Variants in CCDC40 observed in about 807,000 individuals in gnomAD.
The protein encoded by CCDC40 is coiled-coil domain 40 molecular ruler complex subunit, also known as coiled-coil domain-containing protein 40.
In CCDC40, 104 loss-of-function variants were observed where a neutral mutation model predicts 124.5. The observed-to-expected ratio is 0.84, with a 90% CI of 0.71 to 0.98. The LOEUF is 0.98. CCDC40 is among the 50% of genes least tolerant of loss of function. CCDC40 has a pLI of 0.00. For missense variants in CCDC40, 1,463 were observed against 1,503.9 expected, an observed-to-expected ratio of 0.97 and a Z score of 0.45; for synonymous variants, 580 against 602.9, an observed-to-expected ratio of 0.96 and a Z score of 0.56.
intron 10 of CCDC40, chr17:80,065,971 C>A: frequency 1.6e-6 from 1 of 637,522 alleles, no homozygotes; most frequent in Non-Finnish European, 2.8e-6. Context: ...ATTGTTCTGC[C>A]TGAGGGCTGC....
At chr17:80,062,049 G>A (rs192115362) in intron 9 of CCDC40, among the ~76,000 whole-genome samples, 5 of 152,288 alleles carry the variant, frequency 3.3e-5, no homozygotes, top group African/African-American at 7.2e-5. Flanking sequence ...AGTCAGGGCT[G>A]CAGTGAGCTA....
chr17:80,048,180 A>T (rs2037479636), intron 4 of CCDC40, among the ~76,000 whole-genome samples: 1 of 152,152 alleles, frequency 6.6e-6, no homozygotes, highest in African/African-American at 2.4e-5. Flanking sequence ...GAATCGCTTG[A>T]ACCCCGGAGG....
Position 80,087,633 on chromosome 17 carries a change from C to G in CCDC40, c.2476C>G (p.Gln826Glu). ...ESKIEQEKKE[Q>E]KEIEHHMKDL... Reference sequence around the variant, plus strand: ...CAAGATTGAGCAGGAGAAGAAGGAGCAGAAGGAGATCGAGCACCACATGAA... The same window carrying G: ...CAAGATTGAGCAGGAGAAGAAGGAGGAGAAGGAGATCGAGCACCACATGAA... Residue 826 changes from glutamine to glutamate, a missense_variant, in exon 15 of 20, where the codon CAG (glutamine) becomes GAG (glutamate). Gln to Glu is a conservative substitution (Grantham distance 29). Coordinates refer to ENST00000397545, the MANE Select transcript of CCDC40 (RefSeq NM_017950.4). The surrounding 1 kb of genome is among the most constrained non-coding windows in gnomAD (Gnocchi z 4.5). 1 of 1,614,080 alleles carries G rather than the reference C, an allele frequency of 6.2e-7. No homozygotes were observed. Among genetic ancestry groups the G allele is most frequent in the South Asian group, 1.1e-5 (1 of 91,082 alleles).
In CCDC40 at chr17:80,090,297, A is replaced by G. The variant is rs374493149; in HGVS notation, c.2832+413A>G. ...TGCACGAACAACACGGGACGCGCGC[A>G]GGCACGTGCACGAACAACACGGGAC... is the stretch of plus-strand genomic sequence containing the variant. On this transcript the variant is annotated intron_variant, in intron 17 of 19. Transcript: ENST00000397545. The G allele has an allele frequency of 7.0e-3, 9,193 of 1,313,094 alleles. 900 individuals carry two copies. The highest frequency in any genetic ancestry group is 0.024 in the South Asian group (1,528 of 63,952). 81.3% of individuals were successfully genotyped at this position (1,313,094 alleles called of 1,614,324 possible).
chr17:80,077,251 G>A lies in CCDC40; in HGVS notation c.1563-4295G>A, dbSNP rs564731797. Among the ~76,000 whole-genome samples, 7 of 152,280 alleles carry A rather than the reference G, an allele frequency of 4.6e-5. No homozygotes were observed. In the East Asian group the frequency reaches 5.8e-4, roughly 13 times the overall value. On this transcript the variant is annotated intron_variant, in intron 10 of 19. Transcript: ENST00000397545. ...ACTTTATAACAAATGCTTGCCGGCC[G>A]TGGTGGCTCACACCTGTAATCCCAG... is the stretch of plus-strand genomic sequence containing the variant.
At chr17:80,061,175 ATC>A (rs10547356) in intron 9 of CCDC40, among the ~76,000 whole-genome samples, 7,123 of 152,216 alleles carry the variant, frequency 0.047, 531 homozygotes, top group African/African-American at 0.16. Context: ...GCAAAACCCC[ATC>A]TCTACTGAAA....
At chr17:80,074,880 A>G (rs907621076) in intron 10 of CCDC40, among the ~76,000 whole-genome samples, 2 of 152,116 alleles carry the variant, frequency 1.3e-5, no homozygotes, top group Non-Finnish European at 2.9e-5. Context: ...ACCATTCTAG[A>G]TAACGTTAAG....
intron 9 of CCDC40, among the ~76,000 whole-genome samples, chr17:80,060,688 C>T (rs965626284): frequency 2.0e-5 from 3 of 152,026 alleles, no homozygotes; most frequent in Admixed American, 2.0e-4. Context: ...AAGACCCTGT[C>T]TAAAATAAAA....
chr17:80,087,843 G>A lies in CCDC40; in HGVS notation c.2619+67G>A. The A allele has an allele frequency of 2.0e-6, 3 of 1,467,550 alleles. No individual in the cohort carries two copies. Among genetic ancestry groups the A allele is most frequent in the Non-Finnish European group, 1.9e-6 (2 of 1,047,710 alleles). The allele number at this position is 1,467,550 out of a possible 1,614,324, so 90.9% of individuals were successfully genotyped here. On this transcript the variant is annotated intron_variant, in intron 15 of 19. Coordinates refer to ENST00000397545, the MANE Select transcript of CCDC40 (RefSeq NM_017950.4). The surrounding 1 kb of genome is among the most constrained non-coding windows in gnomAD (Gnocchi z 4.5). ...AGGGCGGGGGTACGGTCCTTGCGGT[G>A]GGCGTTCTGCACCAGGATGTAATTT...
Position 80,066,300 on chromosome 17 carries a change from C to A in CCDC40, c.1562+694C>A, listed in dbSNP as rs2038045590. 1 of 610,852 alleles carries A rather than the reference C, an allele frequency of 1.6e-6. No homozygotes were observed. The highest frequency in any genetic ancestry group is 1.9e-5 in the South Asian group (1 of 53,310). 37.8% of individuals were successfully genotyped at this position (610,852 alleles called of 1,614,324 possible). The stretch of plus-strand genomic sequence containing the variant: ...AAAGGCTGGACCAAGGAATGAGGGT[C>A]TGGCTGGCCCCACAGCACCCGCAGC... On this transcript the variant is annotated intron_variant, in intron 10 of 19. Transcript: ENST00000397545. The surrounding 1 kb of genome is among the most constrained non-coding windows in gnomAD (Gnocchi z 4.4).
At chr17:80,042,645 TTTTC>T (rs1169173963) in intron 3 of CCDC40, among the ~76,000 whole-genome samples, 1 of 152,172 alleles carries the variant, frequency 6.6e-6, no homozygotes, top group Non-Finnish European at 1.5e-5. Context: ...TCCAGATGCC[TTTTC>T]TTTCTTTTTC....
In CCDC40 at chr17:80,039,286, G is replaced by A. The variant is rs184004698; in HGVS notation, c.94-526G>A. On this transcript the variant is annotated intron_variant, in intron 2 of 19. Transcript: ENST00000397545. ...GGAGGCTGAAGCAGGAGAATCGCTT[G>A]AACCCAGGAGGTGGAAGTTGCAGTG... Among the ~76,000 whole-genome samples, 659 of 152,080 alleles carry A rather than the reference G, an allele frequency of 4.3e-3. 5 individuals are homozygous for A. The highest frequency in any genetic ancestry group is 0.015 in the African/African-American group (623 of 41,496).
intron 3 of CCDC40, among the ~76,000 whole-genome samples, chr17:80,044,716 A>ATGTGT (rs1396709278): frequency 2.3e-5 from 3 of 131,740 alleles, no homozygotes; most frequent in African/African-American, 9.9e-5. Context: ...CAAAAAAAAA[A>ATGTGT]ATATATATAT....
intron 7 of CCDC40, among the ~76,000 whole-genome samples, chr17:80,057,649 G>T (rs1329829193): frequency 6.6e-6 from 1 of 151,910 alleles, no homozygotes; most frequent in Non-Finnish European, 1.5e-5. Flanking sequence ...GGCCAAGGTG[G>T]GTGGATCAGG....
chr17:80,067,157 A>C, intron 10 of CCDC40: 1 of 210,610 alleles, frequency 4.7e-6, no homozygotes, highest in Non-Finnish European at 9.5e-6. Flanking sequence ...TCCCCAAGGG[A>C]AGACGTCACC....
chr17:80,047,378 G>T lies in CCDC40; in HGVS notation c.652G>T (p.Glu218Ter). The T allele has an allele frequency of 6.2e-7, 1 of 1,613,328 alleles. No homozygotes were observed. Among genetic ancestry groups the T allele is most frequent in the Non-Finnish European group, 8.5e-7 (1 of 1,179,772 alleles). ...GAGCGACATCGAGTCCTCAGACCTG[G>T]AGGAGTTCGTCTCGCAGGAGCCAGG... ...HGSDIESSDL[E>*]EFVSQEPVIP... Residue 218 changes from glutamate (E) to a stop codon, truncating the protein, a stop_gained, in exon 4 of 20, where the codon GAG (glutamate) becomes TAG (stop). Coordinates refer to ENST00000397545, the MANE Select transcript of CCDC40 (RefSeq NM_017950.4). LOFTEE classifies it high-confidence loss of function.
At chr17:80,037,682 T>TAAAAAAAAA (rs1423212184) in intron 1 of CCDC40, among the ~76,000 whole-genome samples, 3 of 96,170 alleles carry the variant, frequency 3.1e-5, no homozygotes, top group Non-Finnish European at 5.9e-5. Context: ...CTTTAATTTT[T>TAAAAAAAAA]TAAAAAAGAT....
At position 80,087,046 on chromosome 17, in the gene CCDC40, T is replaced by C; in HGVS notation, c.2450-561T>C. The C allele has an allele frequency of 5.3e-6, 1 of 187,146 alleles. No individual in the cohort carries two copies. Among genetic ancestry groups the C allele is most frequent in the Non-Finnish European group, 1.1e-5 (1 of 87,818 alleles). 11.6% of individuals were successfully genotyped at this position (187,146 alleles called of 1,614,324 possible). A position where few individuals can be genotyped will look rare whatever the true frequency, so the allele number is the denominator to read the frequency against. On this transcript the variant is annotated intron_variant, in intron 14 of 19. Coordinates refer to ENST00000397545, the MANE Select transcript of CCDC40 (RefSeq NM_017950.4). This position sits in a 1 kb window ranked among gnomAD's most constrained non-coding sequence, Gnocchi z 4.5. ...GGGCTCACATGCCCATGTCCTGGGG[T>C]AGTCAGGGCACACCATGGGGACAGC...
chr17:80,089,319 G>A (rs1207712501), intron 16 of CCDC40, among the ~76,000 whole-genome samples: 3 of 152,218 alleles, frequency 2.0e-5, no homozygotes, highest in Non-Finnish European at 2.9e-5. Context: ...CGCAGGGATC[G>A]CCTGTTCCTT....
Sources: gnomAD v4.1 joint callset for allele counts (sites outside exome capture counted in the v4.1 genomes callset) on GRCh38, gnomAD v4.1.1 for gene constraint, Gnocchi (gnomAD v3.1) non-coding constraint, MANE v1.5 for transcripts, NCBI Gene and HGNC (gene_info 2026-07-23, HGNC 2026-07-21) for gene names.